The following DOCK11 variants were observed in gnomAD, a reference collection of about 807,000 sequenced individuals.
The protein encoded by DOCK11 is dedicator of cytokinesis protein 11.
Under a neutral mutation model 169.1 loss-of-function variants are expected in DOCK11, and 70 were observed. The observed-to-expected ratio is 0.41, with a 90% CI of 0.34 to 0.51. DOCK11 has a LOEUF of 0.51. Among genes scored for constraint, DOCK11 ranks in the 20% least tolerant of loss-of-function variants. The probability of loss-of-function intolerance (pLI) is 0.10; values close to 1 mark genes in which losing one functional copy is unlikely to be tolerated. For missense variants in DOCK11, 1,166 were observed against 1,538.8 expected, an observed-to-expected ratio of 0.76 and a Z score of 4.05; for synonymous variants, 529 against 541.3, an observed-to-expected ratio of 0.98 and a Z score of 0.32.
intron 21 of DOCK11, 103 bp from the exon 22 acceptor site, chrX:118,597,927 T>C: frequency 1.7e-6 from 1 of 571,633 alleles, no homozygotes; most frequent in Admixed American, 3.7e-5. Flanking sequence ...TGGTATGAAA[T>C]TAATACATTC....
chrX:118,511,440 A>T (rs779718610), intron 1 of DOCK11, among the ~76,000 whole-genome samples: 1 of 112,450 alleles, frequency 8.9e-6, no homozygotes, highest in South Asian at 3.6e-4. Flanking sequence ...ATATCTACTA[A>T]TTATTAAATG....
rs148821122 is a variant in DOCK11 at position 118,552,024 on chromosome X, C to T, written c.558+5908C>T. ...CTGCACTCCAGCCTGGGTGACAGAG[C>T]GACACTCTGTCTCAAAAAAAAAAAA... On this transcript the variant is annotated intron_variant, in intron 6 of 52. Coordinates refer to ENST00000276202, the MANE Select transcript of DOCK11 (RefSeq NM_144658.4). Among the ~76,000 whole-genome samples the T allele has an allele frequency of 1.1e-3, 69 of 63,324 alleles. 2 individuals carry two copies. In the East Asian group the frequency reaches 0.024, roughly 22 times the overall value. 55.0% of individuals were successfully genotyped at this position (63,324 alleles called of 115,157 possible).
intron 1 of DOCK11, among the ~76,000 whole-genome samples, chrX:118,519,723 G>A (rs1321765599): frequency 8.9e-6 from 1 of 111,952 alleles, no homozygotes; most frequent in Non-Finnish European, 1.9e-5. Context: ...GGCAAATCAC[G>A]TCATTTCACA....
intron 1 of DOCK11, among the ~76,000 whole-genome samples, chrX:118,501,979 T>C (rs947587198): frequency 2.7e-5 from 3 of 112,185 alleles, no homozygotes; most frequent in African/African-American, 9.7e-5. Flanking sequence ...TTCATAGTTC[T>C]TCTGTTGAGG....
intron 1 of DOCK11, among the ~76,000 whole-genome samples, chrX:118,498,961 G>A (rs5957016): frequency 0.06 from 6,665 of 111,005 alleles, 511 homozygotes; most frequent in African/African-American, 0.21. Context: ...CAGACAGAGA[G>A]ACTGTTCCAC....
At chrX:118,511,456 G>A (rs1367648507) in intron 1 of DOCK11, among the ~76,000 whole-genome samples, 1 of 112,240 alleles carries the variant, frequency 8.9e-6, no homozygotes, top group African/African-American at 3.2e-5. Flanking sequence ...AAATGTGAAA[G>A]GGTATTAACT....
intron 40 of DOCK11, among the ~76,000 whole-genome samples, chrX:118,645,986 G>A (rs1198628637): frequency 9.6e-6 from 1 of 104,478 alleles, no homozygotes; most frequent in Non-Finnish European, 2.0e-5. Flanking sequence ...AACCCGGGAG[G>A]CAGAGGTTGC....
At chrX:118,603,995 A>G (rs769311182) in intron 23 of DOCK11, among the ~76,000 whole-genome samples, 1 of 112,155 alleles carries the variant, frequency 8.9e-6, no homozygotes, top group Non-Finnish European at 1.9e-5. Context: ...GGATTTCTCA[A>G]TCTTCGCACT....
intron 7 of DOCK11, among the ~76,000 whole-genome samples, chrX:118,562,718 A>G (rs771385132): frequency 9.0e-6 from 1 of 111,572 alleles, no homozygotes; most frequent in Non-Finnish European, 1.9e-5. Context: ...TGCTATATAT[A>G]ATTTCTCCTT....
At chrX:118,656,617 C>T (rs769130384) in intron 44 of DOCK11, among the ~76,000 whole-genome samples, 11 of 111,904 alleles carry the variant, frequency 9.8e-5, no homozygotes, top group East Asian at 5.6e-4. Flanking sequence ...AACGGAGTAC[C>T]GTGATTTCAA....
chrX:118,626,963 C>T (rs1603132078), intron 32 of DOCK11, among the ~76,000 whole-genome samples: 1 of 112,660 alleles, frequency 8.9e-6, no homozygotes, highest in Non-Finnish European at 1.9e-5. Flanking sequence ...GGCGCCGTGG[C>T]ACATGCCTGT....
chrX:118,520,816 T>G (rs2057717267), intron 1 of DOCK11, among the ~76,000 whole-genome samples: 1 of 111,793 alleles, frequency 8.9e-6, no homozygotes, highest in Admixed American at 9.5e-5. Context: ...GAAAACTGGG[T>G]TTTATTATTT....
At chrX:118,648,596 ATAATATATT>A (rs2015866410) in intron 40 of DOCK11, among the ~76,000 whole-genome samples, 1 of 86,903 alleles carries the variant, frequency 1.2e-5, no homozygotes, top group African/African-American at 4.2e-5. Flanking sequence ...TATAATATAT[ATAATATATT>A]AATATATAAT....
At chrX:118,572,137 A>T (rs778919681) in intron 10 of DOCK11, among the ~76,000 whole-genome samples, 186 bp from the exon 11 acceptor site, 63 of 112,127 alleles carry the variant, frequency 5.6e-4, no homozygotes, top group African/African-American at 1.5e-3. Context: ...TCCCTCTAGG[A>T]TTTCTCCATC....
At chrX:118,641,159 G>C in intron 38 of DOCK11, 31 bp from the exon 39 acceptor site, 1 of 1,065,794 alleles carries the variant, frequency 9.4e-7, no homozygotes, top group Admixed American at 2.2e-5. Context: ...CTTCGTGTTG[G>C]GAAAAGTTTA....
intron 18 of DOCK11, among the ~76,000 whole-genome samples, chrX:118,588,828 GGCTTTGAGCTGACAGAAGCACA>G (rs2013897167): frequency 8.9e-6 from 1 of 112,002 alleles, no homozygotes; most frequent in African/African-American, 3.2e-5. Context: ...AACCTGAACA[GGCTTTGAGCTGACAGAAGCACA>G]GCATGACTGC....
chrX:118,659,193 C>G (rs1465677630), intron 44 of DOCK11, among the ~76,000 whole-genome samples: 1 of 111,567 alleles, frequency 9.0e-6, no homozygotes, highest in South Asian at 3.7e-4. Flanking sequence ...CTTCCACACC[C>G]CTTCCCACTT....
At chrX:118,545,584 GAA>G (rs912788595) in intron 5 of DOCK11, among the ~76,000 whole-genome samples, 192 bp downstream of exon 5, 3 of 110,432 alleles carry the variant, frequency 2.7e-5, no homozygotes, top group Non-Finnish European at 5.7e-5. Context: ...TAGGGTTTAG[GAA>G]AAAAAATCAA....
chrX:118,531,412 CAAAAAAAAAAAAAAAAAAAAAAAA>C (rs60932296), intron 1 of DOCK11, among the ~76,000 whole-genome samples: 2 of 29,205 alleles, frequency 6.8e-5, no homozygotes, highest in African/African-American at 1.2e-4. Context: ...GCCATATACT[CAAAAAAAAAAAAAAAAAAAAAAAA>C]AAAAAAAAAA....
Sources: allele counts gnomAD v4.1 joint callset (sites outside exome capture counted in the v4.1 genomes callset), GRCh38; gene constraint gnomAD v4.1.1; transcripts MANE v1.5; gene names NCBI Gene and HGNC (gene_info 2026-07-23, HGNC 2026-07-21).